The following OCLN variants were observed in gnomAD, a reference collection of about 807,000 sequenced individuals.
OCLN encodes the protein phosphatase 1, regulatory subunit 115.
A neutral mutation model predicts 47.9 loss-of-function variants in OCLN; 21 were observed. The observed-to-expected ratio is 0.44, with a 90% CI of 0.31 to 0.63. The LOEUF (loss-of-function observed/expected upper bound fraction) is 0.63. Ranked by LOEUF, OCLN falls within the 30% of genes least tolerant of loss-of-function variation. The pLI is 0.08. For missense variants in OCLN, 360 were observed against 571.0 expected, an observed-to-expected ratio of 0.63 and a Z score of 3.77; for synonymous variants, 117 against 198.4, an observed-to-expected ratio of 0.59 and a Z score of 3.45.
At chr5:69,522,076 T>C (rs555649320) in intron 4 of OCLN, among the ~76,000 whole-genome samples, 1 of 152,328 alleles carries the variant, frequency 6.6e-6, no homozygotes, top group South Asian at 2.1e-4. Context: ...CCTCAAGTGA[T>C]CCTTGTGCCT....
chr5:69,507,377 C>T (rs1450744339), intron 2 of OCLN, among the ~76,000 whole-genome samples: 3 of 152,262 alleles, frequency 2.0e-5, no homozygotes, highest in Admixed American at 1.3e-4. Flanking sequence ...TCAGGTGACC[C>T]GCCCACCTCC....
intron 1 of OCLN, among the ~76,000 whole-genome samples, chr5:69,496,308 G>A (rs1768287981): frequency 6.6e-6 from 1 of 151,746 alleles, no homozygotes; most frequent in South Asian, 2.1e-4. Flanking sequence ...CTGTGTTAGC[G>A]GGGATGGTCT....
At chr5:69,523,585 G>C (rs532702568) in intron 4 of OCLN, among the ~76,000 whole-genome samples, 1 of 151,014 alleles carries the variant, frequency 6.6e-6, no homozygotes, top group Non-Finnish European at 1.5e-5. Context: ...ACACAGGCTA[G>C]AGTGCAGTGG....
intron 2 of OCLN, among the ~76,000 whole-genome samples, chr5:69,505,995 C>T (rs1768588155): frequency 6.6e-6 from 1 of 152,202 alleles, no homozygotes; most frequent in Non-Finnish European, 1.5e-5. Flanking sequence ...GCCCCCACTT[C>T]ACGTAGCAGC....
intron 4 of OCLN, among the ~76,000 whole-genome samples, chr5:69,517,314 A>ATTTT (rs58026583): frequency 7.6e-6 from 1 of 131,916 alleles, no homozygotes; most frequent in African/African-American, 3.1e-5. Context: ...ATATATATAT[A>ATTTT]TTTTTTTTTT....
intron 4 of OCLN, among the ~76,000 whole-genome samples, chr5:69,531,925 G>A (rs1192376882): frequency 6.6e-6 from 1 of 152,170 alleles, no homozygotes; most frequent in Non-Finnish European, 1.5e-5. Context: ...GAACCTAATT[G>A]TAAGGCTTTA....
chr5:69,507,409 G>A (rs1402605471), intron 2 of OCLN, among the ~76,000 whole-genome samples: 1 of 152,102 alleles, frequency 6.6e-6, no homozygotes, highest in Non-Finnish European at 1.5e-5. Flanking sequence ...GATTATAGGT[G>A]TGAGCCACCA....
intron 5 of OCLN, among the ~76,000 whole-genome samples, chr5:69,538,035 A>G (rs1769637254): frequency 7.9e-6 from 1 of 126,298 alleles, no homozygotes; most frequent in Non-Finnish European, 1.6e-5. Context: ...AAGTTGAAGG[A>G]ATCTAATAAA....
rs776242848 is a variant in OCLN, at chr5:69,514,051, A to G, written c.833A>G (p.Asn278Ser). The change falls in exon 4 of 9, where the codon AAT (asparagine) becomes AGT (serine). Residue 278 changes from asparagine (N) to serine (S), a missense_variant. By Grantham distance (46) the Asn-to-Ser change is conservative. Transcript: ENST00000396442. ...AAGATGGACAGGTATGACAAGTCCA[A>G]TATTTTGTGGGACAAGGAACACATT... Reference protein sequence around the residue: ...RRKMDRYDKSNILWDKEHIYD... With the variant: ...RRKMDRYDKSSILWDKEHIYD... 11 of 1,614,078 alleles carry G rather than the reference A, an allele frequency of 6.8e-6. No homozygotes were observed. The highest frequency in any genetic ancestry group is 3.3e-5 in the Admixed American group (2 of 60,026).
At position 69,534,768 on chromosome 5, in the gene OCLN, C is replaced by G; in HGVS notation, c.966C>G (p.Pro322=). The G allele has an allele frequency of 8.1e-7, 1 of 1,233,700 alleles. No individual in the cohort carries two copies. The highest frequency in any genetic ancestry group is 2.2e-5 in the African/African-American group (1 of 45,752). 76.4% of individuals were successfully genotyped at this position (1,233,700 alleles called of 1,614,324 possible). The change falls in exon 5 of 9, where the codon CCC becomes CCG. Residue 322 remains proline (P), a synonymous_variant. Transcript: ENST00000396442. ...PSDYVERVDS[P]MAYSSNGKVN... is the part of the protein sequence containing the mutation. Reference sequence around the variant, plus strand: ...ACTATGTGGAAAGAGTTGACAGTCCCATGGCATACTCTTCCAATGGCAAAG... The same window carrying G: ...ACTATGTGGAAAGAGTTGACAGTCCGATGGCATACTCTTCCAATGGCAAAG...
chr5:69,514,546 T>G (rs1162356410), intron 4 of OCLN, among the ~76,000 whole-genome samples: 1 of 151,940 alleles, frequency 6.6e-6, no homozygotes, highest in Non-Finnish European at 1.5e-5. Context: ...TTTTTTTTAT[T>G]GATCATTCTT....
chr5:69,526,807 T>C (rs1177968356), intron 4 of OCLN, among the ~76,000 whole-genome samples: 1 of 152,254 alleles, frequency 6.6e-6, no homozygotes, highest in African/African-American at 2.4e-5. Context: ...AGCTTAATGC[T>C]GAACAGGTTG....
chr5:69,507,785 CA>C (rs1768649602), intron 2 of OCLN, among the ~76,000 whole-genome samples: 1 of 151,636 alleles, frequency 6.6e-6, no homozygotes, highest in South Asian at 2.1e-4. Context: ...TTTGTATTTT[CA>C]GTAGAGATGG....
intron 3 of OCLN, among the ~76,000 whole-genome samples, chr5:69,511,404 G>C (rs1453202882): frequency 6.6e-6 from 1 of 151,618 alleles, no homozygotes; most frequent in Non-Finnish European, 1.5e-5. Flanking sequence ...TGTTTTAATT[G>C]GGCTATTTTT....
At chr5:69,499,249 A>AT (rs1408898428) in intron 1 of OCLN, among the ~76,000 whole-genome samples, 3 of 151,784 alleles carry the variant, frequency 2.0e-5, no homozygotes, top group South Asian at 2.1e-4. Flanking sequence ...TTTAAGAAAA[A>AT]TTTTTTGTGG....
intron 3 of OCLN, among the ~76,000 whole-genome samples, chr5:69,511,378 G>A (rs1223452666): frequency 1.1e-4 from 16 of 151,610 alleles, no homozygotes; most frequent in Admixed American, 2.6e-4. Flanking sequence ...CACTGTGCCC[G>A]GCCTAGACTT....
At chr5:69,515,389 C>T (rs868385058) in intron 4 of OCLN, among the ~76,000 whole-genome samples, 74 of 143,888 alleles carry the variant, frequency 5.1e-4, no homozygotes, top group African/African-American at 1.3e-3. Flanking sequence ...CCAGACAGGG[C>T]GGCTGGCCGG....
chr5:69,494,183 GC>G (rs1768225510), intron 1 of OCLN, among the ~76,000 whole-genome samples: 1 of 62,098 alleles, frequency 1.6e-5, no homozygotes, highest in Admixed American at 1.3e-4. Flanking sequence ...CATATGAGGT[GC>G]TTGTGTGTGT....
At chr5:69,510,050 A>T (rs1157268075) in intron 3 of OCLN, among the ~76,000 whole-genome samples, 1 of 152,192 alleles carries the variant, frequency 6.6e-6, no homozygotes, top group South Asian at 2.1e-4. Context: ...GAATTGTGCC[A>T]CCATCACCAC....
Sources: allele counts gnomAD v4.1 joint callset (sites outside exome capture counted in the v4.1 genomes callset), GRCh38; gene constraint gnomAD v4.1.1; transcripts MANE v1.5; gene names NCBI Gene and HGNC (gene_info 2026-07-23, HGNC 2026-07-21).